The following UIMC1 variants were observed in gnomAD, a reference collection of about 807,000 sequenced individuals.
The protein encoded by UIMC1 is ubiquitin interaction motif containing 1.
A neutral mutation model predicts 84.9 loss-of-function variants in UIMC1; 42 were observed. The observed-to-expected ratio is 0.49, with a 90% CI of 0.39 to 0.64. The LOEUF is 0.64. UIMC1 is among the 30% of genes least tolerant of loss of function. UIMC1 has a pLI of 0.00. For synonymous variants in UIMC1, 281 were observed against 293.0 expected, an observed-to-expected ratio of 0.96 and a Z score of 0.42; for missense variants, 825 against 847.6, an observed-to-expected ratio of 0.97 and a Z score of 0.33.
intron 6 of UIMC1, among the ~76,000 whole-genome samples, chr5:176,964,074 A>C (rs1767941135): frequency 6.6e-6 from 1 of 152,188 alleles, no homozygotes; most frequent in South Asian, 2.1e-4. Context: ...TATGTGCCCC[A>C]AAGTGAATGT....
chr5:177,000,658 G>A (rs1248526298), intron 1 of UIMC1, among the ~76,000 whole-genome samples: 5 of 151,610 alleles, frequency 3.3e-5, no homozygotes, highest in Admixed American at 6.6e-5. Flanking sequence ...GCACCACCAC[G>A]CCCGGCTAAT....
chr5:176,967,307 A>G (rs1768454311), intron 6 of UIMC1, among the ~76,000 whole-genome samples: 1 of 152,142 alleles, frequency 6.6e-6, no homozygotes, highest in Non-Finnish European at 1.5e-5. Flanking sequence ...AAAAAAGATG[A>G]AGAAATTCTT....
chr5:176,936,388 T>C (rs899856076), intron 10 of UIMC1, among the ~76,000 whole-genome samples: 5 of 152,228 alleles, frequency 3.3e-5, no homozygotes, highest in African/African-American at 9.6e-5. Flanking sequence ...TACTTTATCA[T>C]AGTGCCAAAA....
intron 10 of UIMC1, among the ~76,000 whole-genome samples, chr5:176,930,438 C>T (rs141939229): frequency 0.011 from 1,643 of 152,226 alleles, 11 homozygotes; most frequent in South Asian, 0.025. Context: ...TTTCTAGGTA[C>T]GTGATCTTGG....
intron 9 of UIMC1, among the ~76,000 whole-genome samples, chr5:176,949,160 G>C (rs574050156): frequency 1.3e-3 from 194 of 151,640 alleles, no homozygotes; most frequent in African/African-American, 4.5e-3. Flanking sequence ...GGGTACATGT[G>C]CACAATGTGC....
At chr5:176,905,717 T>G in intron 14 of UIMC1, 1 of 632,448 alleles carries the variant, frequency 1.6e-6, no homozygotes, top group Non-Finnish European at 2.7e-6. Context: ...GAGATCCAAA[T>G]TCCCAAGCTG....
intron 1 of UIMC1, among the ~76,000 whole-genome samples, chr5:176,985,739 G>A (rs1771885872): frequency 6.6e-6 from 1 of 151,862 alleles, no homozygotes; most frequent in African/African-American, 2.4e-5. Context: ...TGTGCAGCTG[G>A]GACCACAGGG....
chr5:177,012,464 G>A (rs1775570348), intron 1 of UIMC1, among the ~76,000 whole-genome samples: 1 of 152,138 alleles, frequency 6.6e-6, no homozygotes, highest in Admixed American at 6.6e-5. Context: ...TTGGGAGGCT[G>A]GGTGGATCAC....
chr5:176,927,262 A>G (rs182285932), intron 10 of UIMC1, among the ~76,000 whole-genome samples: 6 of 146,600 alleles, frequency 4.1e-5, no homozygotes, highest in Admixed American at 3.4e-4. Context: ...GAATTTCTTT[A>G]TTTTTTTTGG....
intron 1 of UIMC1, among the ~76,000 whole-genome samples, chr5:176,984,107 G>A (rs1229067117): frequency 2.5e-5 from 3 of 120,148 alleles, no homozygotes; most frequent in East Asian, 5.4e-4. Flanking sequence ...GCCTCTGCCC[G>A]GCCGCCCTGT....
intron 8 of UIMC1, 106 bp downstream of exon 8, chr5:176,955,853 C>T: frequency 1.9e-6 from 2 of 1,032,818 alleles, no homozygotes; most frequent in South Asian, 1.5e-5. Flanking sequence ...GTATCAATTA[C>T]ATACAAACCT....
At chr5:176,911,170 GAAAAGAAAAT>G in intron 11 of UIMC1, 131 bp downstream of exon 11, 1 of 187,752 alleles carries the variant, frequency 5.3e-6, no homozygotes, top group Non-Finnish European at 9.3e-6. Flanking sequence ...GAAAAGAAAA[GAAAAGAAAAT>G]TCAGGCATCC....
At chr5:177,002,464 C>G (rs1774666754) in intron 1 of UIMC1, among the ~76,000 whole-genome samples, 1 of 152,096 alleles carries the variant, frequency 6.6e-6, no homozygotes, top group East Asian at 1.9e-4. Flanking sequence ...AAGACGGGTT[C>G]ACTCTACTGT....
chr5:176,930,450 G>T (rs958567945), intron 10 of UIMC1, among the ~76,000 whole-genome samples: 3 of 152,134 alleles, frequency 2.0e-5, no homozygotes, highest in Non-Finnish European at 2.9e-5. Flanking sequence ...TGATCTTGGG[G>T]AAATTATTTC....
chr5:176,979,240 G>A (rs1448493186), intron 2 of UIMC1, among the ~76,000 whole-genome samples: 3 of 152,160 alleles, frequency 2.0e-5, no homozygotes, highest in African/African-American at 7.2e-5. Flanking sequence ...CAAAATATAC[G>A]TATGCTGTTC....
chr5:176,941,503 T>C (rs915608479), intron 10 of UIMC1, among the ~76,000 whole-genome samples: 4 of 152,244 alleles, frequency 2.6e-5, no homozygotes, highest in African/African-American at 9.6e-5. Flanking sequence ...ATGTACTTCC[T>C]TATTTAATAA....
chr5:176,917,575 C>CAAAACA (rs945057083), intron 10 of UIMC1, among the ~76,000 whole-genome samples: 3 of 151,870 alleles, frequency 2.0e-5, no homozygotes, highest in Non-Finnish European at 2.9e-5. Flanking sequence ...CTGTCTCAAA[C>CAAAACA]AAAACAAAAA....
intron 6 of UIMC1, among the ~76,000 whole-genome samples, chr5:176,963,312 G>A (rs1767821048): frequency 6.6e-6 from 1 of 152,010 alleles, no homozygotes; most frequent in South Asian, 2.1e-4. Context: ...CTTGAGGCCA[G>A]CAGTTCAAGA....
chr5:176,965,735 C>T (rs965836315), intron 6 of UIMC1, among the ~76,000 whole-genome samples: 2 of 152,190 alleles, frequency 1.3e-5, no homozygotes, highest in African/African-American at 4.8e-5. Flanking sequence ...AGTCAAAGAA[C>T]TTCAATCTAA....
Sources: allele counts gnomAD v4.1 joint callset (sites outside exome capture counted in the v4.1 genomes callset), GRCh38; gene constraint gnomAD v4.1.1; transcripts MANE v1.5; gene names NCBI Gene and HGNC (gene_info 2026-07-23, HGNC 2026-07-21).